MYO5A: variants seen among roughly 807,000 people sequenced by gnomAD.
MYO5A encodes myosin VA, also known as unconventional myosin-Va.
In MYO5A, 98 loss-of-function variants were observed where a neutral mutation model predicts 249.7. The observed-to-expected ratio is 0.39, with a 90% CI of 0.33 to 0.46. The LOEUF (loss-of-function observed/expected upper bound fraction) is 0.46, where lower values mean the gene tolerates loss of function less well. Among genes scored for constraint, MYO5A ranks in the 20% least tolerant of loss-of-function variants. MYO5A has a pLI of 0.98. For missense variants in MYO5A, 1,696 were observed against 2,308.8 expected (o/e 0.73, Z 5.44); for synonymous variants, 778 against 810.6 (o/e 0.96, Z 0.68).
chr15:52,387,945 T>C (rs761791498), intron 13 of MYO5A, 33 bp from the exon 14 acceptor site: 3 of 1,459,876 alleles, frequency 2.1e-6, no homozygotes, highest in East Asian at 2.3e-5. Flanking sequence ...CCTTAACTGA[T>C]AAAACTTTTG....
At chr15:52,388,327 T>C (rs1278287665) in intron 13 of MYO5A, among the ~76,000 whole-genome samples, 1 of 152,190 alleles carries the variant, frequency 6.6e-6, no homozygotes, top group Non-Finnish European at 1.5e-5. Context: ...CAAATGAGTG[T>C]CTGATGGGGA....
chr15:52,343,111 T>C lies in MYO5A; in HGVS notation c.4040+6A>G, dbSNP rs374755820. ...TAACATTCCATTTTGAGGAGACAAATATAACCTGTTGGCTTGTTTTAACCC... is the reference window on the plus strand; with the variant it reads ...TAACATTCCATTTTGAGGAGACAAACATAACCTGTTGGCTTGTTTTAACCC... On this transcript the variant is annotated splice_donor_region_variant and intron_variant, in intron 31 of 41. Transcript: ENST00000399233. 7.2e-5 allele frequency: 116 copies of C among 1,605,968 alleles called. No individual in the cohort carries two copies. The highest frequency in any genetic ancestry group is 9.7e-5 in the Non-Finnish European group (114 of 1,172,678).
rs1326646328 is a variant in MYO5A at position 52,379,699 on chromosome 15, C to T, written c.2134G>A (p.Val712Ile). The stretch of plus-strand genomic sequence containing the variant: ...AGCACATCTTTCTGCTTCATTAGGA[C>T]ACGGTAGCGGCTGAAAAATTCTTGG... ...TYQEFFSRYR[V>I]LMKQKDVLSD... is the part of the protein sequence containing the mutation. Residue 712 changes from valine (V) to isoleucine (I), a missense_variant, in exon 18 of 42, where the codon GTC becomes ATC. Coordinates refer to ENST00000399233, the MANE Select transcript of MYO5A (RefSeq NM_001382347.1). 6.2e-7 allele frequency: 1 copy of T among 1,614,200 alleles called. No individual in the cohort carries two copies.
At chr15:52,448,953 C>CTTTTTTTTTT (rs1567136629) in intron 1 of MYO5A, among the ~76,000 whole-genome samples, 1 of 61,874 alleles carries the variant, frequency 1.6e-5, no homozygotes, top group Admixed American at 1.7e-4. Flanking sequence ...CTTTTCTTGT[C>CTTTTTTTTTT]TTTCTTTTTT....
At chr15:52,442,203 C>T (rs754787040) in intron 1 of MYO5A, among the ~76,000 whole-genome samples, 14 of 152,122 alleles carry the variant, frequency 9.2e-5, no homozygotes, top group Admixed American at 7.2e-4. Flanking sequence ...AGTCCCCACC[C>T]AAACCCTACC....
intron 1 of MYO5A, among the ~76,000 whole-genome samples, chr15:52,492,314 A>G (rs866368122): frequency 6.6e-6 from 1 of 152,176 alleles, no homozygotes; most frequent in Non-Finnish European, 1.5e-5. Flanking sequence ...TGCATGACAT[A>G]ATGTTTAGAG....
intron 1 of MYO5A, among the ~76,000 whole-genome samples, chr15:52,452,919 T>C (rs2076049384): frequency 6.6e-6 from 1 of 151,294 alleles, no homozygotes; most frequent in Non-Finnish European, 1.5e-5. Flanking sequence ...CAAGGAGATA[T>C]TGAAAACTAC....
chr15:52,505,843 G>A, intron 1 of MYO5A: 2 of 1,586,574 alleles, frequency 1.3e-6, no homozygotes, highest in Admixed American at 1.8e-5. Context: ...CATGGATGTG[G>A]CTGCTTTCAA....
At chr15:52,480,101 T>C (rs879442153) in intron 1 of MYO5A, among the ~76,000 whole-genome samples, 1 of 152,220 alleles carries the variant, frequency 6.6e-6, no homozygotes, top group Non-Finnish European at 1.5e-5. Context: ...CTTGAATATA[T>C]ACAATTTTTG....
At chr15:52,353,843 A>C (rs781379157) in intron 26 of MYO5A, 28 bp downstream of exon 26, 1 of 1,612,360 alleles carries the variant, frequency 6.2e-7, no homozygotes, top group Non-Finnish European at 8.5e-7. Flanking sequence ...GCCCAGCTTC[A>C]GCTCTGCGGA....
At chr15:52,394,471 T>G (rs1254706383) in intron 11 of MYO5A, among the ~76,000 whole-genome samples, 1 of 151,356 alleles carries the variant, frequency 6.6e-6, no homozygotes, top group African/African-American at 2.4e-5. Flanking sequence ...TTAAAGTGAG[T>G]GAGAAAGGAG....
chr15:52,403,629 T>C lies in MYO5A; in HGVS notation c.1053+1658A>G, dbSNP rs535686441. Among the ~76,000 whole-genome samples the C allele has an allele frequency of 3.3e-5, 5 of 152,322 alleles. No homozygotes were observed. In the South Asian group the frequency reaches 1.0e-3, roughly 32 times the overall value. On this transcript the variant is annotated intron_variant, in intron 9 of 41. Coordinates refer to ENST00000399233, the MANE Select transcript of MYO5A (RefSeq NM_001382347.1). ...AAATATTTTAAACTGACTGTGGTGA[T>C]GGTTGCACATATCTGTGAATGTACT... is the stretch of plus-strand genomic sequence containing the variant.
chr15:52,373,954 AAAATAAAT>A (rs10692704), intron 20 of MYO5A, among the ~76,000 whole-genome samples: 5,038 of 148,288 alleles, frequency 0.034, 231 homozygotes, highest in African/African-American at 0.1. Flanking sequence ...ACTTCAAATA[AAAATAAAT>A]AAATAAATAA....
Position 52,364,554 on chromosome 15 carries a change from C to T in MYO5A, c.3309G>A (p.Val1103=), listed in dbSNP as rs770738914. 8.1e-6 allele frequency: 13 copies of T among 1,610,136 alleles called. No homozygotes were observed. In the African/African-American group the frequency reaches 1.6e-4, roughly 20 times the overall value. The change falls in exon 24 of 42, where the codon GTG becomes GTA. Residue 1103 remains valine, a splice_region_variant and synonymous_variant. Transcript: ENST00000399233. ...AAAAAAACAAAAGTGTTTGACTCAC[C>T]ACCATAAGGGTCATCTCTTCCTTGA... ...DDLKEEMTLM[V]HVPKPGHKRT...
intron 30 of MYO5A, among the ~76,000 whole-genome samples, chr15:52,344,132 C>G (rs1403051227): frequency 6.6e-6 from 1 of 152,068 alleles, no homozygotes; most frequent in Non-Finnish European, 1.5e-5. Context: ...TTACATAACC[C>G]AAATTCCAGG....
At chr15:52,392,564 T>C (rs2042288599) in intron 11 of MYO5A, among the ~76,000 whole-genome samples, 1 of 152,246 alleles carries the variant, frequency 6.6e-6, no homozygotes, top group Non-Finnish European at 1.5e-5. Flanking sequence ...CTGGTCTTTC[T>C]CCTGACTGCC....
At chr15:52,439,874 A>G (rs1409153899) in intron 1 of MYO5A, among the ~76,000 whole-genome samples, 1 of 152,266 alleles carries the variant, frequency 6.6e-6, no homozygotes, top group East Asian at 1.9e-4. Flanking sequence ...AAATGTAAAC[A>G]CACATCAAAG....
intron 1 of MYO5A, among the ~76,000 whole-genome samples, chr15:52,437,501 G>A (rs533045021): frequency 5.3e-5 from 8 of 151,528 alleles, no homozygotes; most frequent in African/African-American, 1.9e-4. Context: ...AGGCTGAGGT[G>A]GGAGGATTAC....
At chr15:52,501,672 T>G (rs549371079) in intron 1 of MYO5A, among the ~76,000 whole-genome samples, 90 of 152,020 alleles carry the variant, frequency 5.9e-4, no homozygotes, top group African/African-American at 2.0e-3. Context: ...AAAAAGAAAA[T>G]ATTTGTTTTT....
Sources: allele counts gnomAD v4.1 joint callset (sites outside exome capture counted in the v4.1 genomes callset), GRCh38; gene constraint gnomAD v4.1.1; transcripts MANE v1.5; gene names NCBI Gene and HGNC (gene_info 2026-07-23, HGNC 2026-07-21).